CRYBG1: variants seen among roughly 807,000 people sequenced by gnomAD.
CRYBG1 encodes the protein crystallin beta-gamma domain containing 1, also known as beta/gamma crystallin domain-containing protein 1.
In CRYBG1, 139 loss-of-function variants were observed where a neutral mutation model predicts 189.2. The ratio of observed to expected loss-of-function variants is 0.73; its 90% CI spans 0.64 to 0.85. CRYBG1 has a LOEUF of 0.85. CRYBG1 is among the 40% of genes least tolerant of loss of function. The pLI, the probability that CRYBG1 is intolerant of heterozygous loss-of-function variation, is 0.00. For synonymous variants in CRYBG1, 1,023 were observed against 1,017.1 expected, an observed-to-expected ratio of 1.01 and a Z score of -0.11; for missense variants, 2,611 against 2,675.8, an observed-to-expected ratio of 0.98 and a Z score of 0.53.
In CRYBG1 at chr6:106,512,542, C is replaced by T. The variant is rs1258113684; in HGVS notation, c.1425C>T (p.Asp475=). 5.6e-6 allele frequency: 9 copies of T among 1,608,016 alleles called. No individual in the cohort carries two copies. The highest frequency in any genetic ancestry group is 1.1e-5 in the South Asian group (1 of 90,350). The change falls in exon 3 of 22, where the codon GAC becomes GAT. Residue 475 remains aspartate, a synonymous_variant. Transcript: ENST00000633556. ...TGAAATCTCCGCGGGCAGCCCTCGACGGGGGCGTTGCCTCCGCTGCGAGCC... is the reference window on the plus strand; with the variant it reads ...TGAAATCTCCGCGGGCAGCCCTCGATGGGGGCGTTGCCTCCGCTGCGAGCC... The part of the protein sequence containing the change: ...KKVKSPRAAL[D]GGVASAASPE...
intron 20 of CRYBG1, among the ~76,000 whole-genome samples, chr6:106,562,140 C>CAA (rs75428444): frequency 6.6e-6 from 1 of 151,756 alleles, no homozygotes; most frequent in East Asian, 1.9e-4. Flanking sequence ...AACAAAAAAC[C>CAA]AAAAAAAACC....
rs1470407132 is a variant in CRYBG1, at chr6:106,511,462, G to A, written c.345G>A (p.Arg115=). 2 of 1,535,674 alleles carry A rather than the reference G, an allele frequency of 1.3e-6. No individual in the cohort carries two copies. Among genetic ancestry groups the A allele is most frequent in the South Asian group, 1.2e-5 (1 of 84,048 alleles). ...CACAACCTCCAGAAGACAACAGAAG[G>A]AAGCCAGTTTTGGGGAAACTTGGCA... ...SRAQPPEDNR[R]KPVLGKLGTL... Residue 115 remains arginine, a synonymous_variant, in exon 3 of 22, where the codon AGG becomes AGA. Transcript: ENST00000633556.
intron 1 of CRYBG1, among the ~76,000 whole-genome samples, chr6:106,400,191 G>T (rs926199808): frequency 6.7e-6 from 1 of 149,016 alleles, no homozygotes; most frequent in Non-Finnish European, 1.5e-5. Context: ...TGTTGCTCAG[G>T]CTGGTCTCAA....
chr6:106,540,040 C>T (rs1774095679), intron 9 of CRYBG1, among the ~76,000 whole-genome samples: 2 of 151,822 alleles, frequency 1.3e-5, no homozygotes, highest in East Asian at 1.9e-4. Flanking sequence ...CGCTGAGGAC[C>T]GGCTCGGCTG....
In CRYBG1 at chr6:106,539,546, A is replaced by G. The variant is rs368188385; in HGVS notation, c.4845+17A>G. On this transcript the variant is annotated intron_variant, in intron 9 of 21. Transcript: ENST00000633556. ...CTGAAAATGGTAAAAATGAAATCCA[A>G]ATGTCCTTGTGGTGATTCTTTGTCA... 1.6e-4 allele frequency: 257 copies of G among 1,607,362 alleles called. 3 individuals carry two copies. The African/African-American group carries it at 2.9e-3, about 18-fold the overall frequency.
chr6:106,560,060 C>CT (rs796954639), intron 18 of CRYBG1, among the ~76,000 whole-genome samples: 23 of 152,046 alleles, frequency 1.5e-4, no homozygotes, highest in African/African-American at 5.6e-4. Flanking sequence ...TGCCACTGCC[C>CT]TTCAGCCTGG....
chr6:106,436,347 G>A (rs1771456992), intron 1 of CRYBG1, among the ~76,000 whole-genome samples: 1 of 148,790 alleles, frequency 6.7e-6, no homozygotes, highest in South Asian at 2.1e-4. Flanking sequence ...TGCCTAGGCT[G>A]GAGTGCAGCG....
chr6:106,497,636 A>C (rs1772882588), intron 2 of CRYBG1, among the ~76,000 whole-genome samples: 1 of 152,268 alleles, frequency 6.6e-6, no homozygotes, highest in African/African-American at 2.4e-5. Flanking sequence ...GAAGAAGAGA[A>C]AGAGCACAAA....
rs1562113217 is a variant in CRYBG1 at position 106,544,780 on chromosome 6, C to T, written c.5167-8C>T. ...AGCCTTTGAATTTTGAATTTTTTTT[C>T]TCAATAGGATTTTTCAAATGCTCAC... On this transcript the variant is annotated splice_region_variant and splice_polypyrimidine_tract_variant and intron_variant, in intron 12 of 21. Coordinates refer to ENST00000633556, the MANE Select transcript of CRYBG1 (RefSeq NM_001371242.2). 2 of 1,598,560 alleles carry T rather than the reference C, an allele frequency of 1.3e-6. No individual in the cohort carries two copies. The highest frequency in any genetic ancestry group is 2.3e-5 in the South Asian group (2 of 88,304).
chr6:106,502,871 G>T (rs138515003), intron 2 of CRYBG1, among the ~76,000 whole-genome samples: 82 of 152,292 alleles, frequency 5.4e-4, no homozygotes, highest in South Asian at 2.3e-3. Context: ...CTCTTCCAAG[G>T]CCCTCTCCTT....
intron 1 of CRYBG1, among the ~76,000 whole-genome samples, chr6:106,413,572 G>A (rs1770969591): frequency 6.6e-6 from 1 of 152,086 alleles, no homozygotes; most frequent in Non-Finnish European, 1.5e-5. Flanking sequence ...AGCTACCTGG[G>A]AGGCTGAGGC....
chr6:106,530,457 C>T (rs952302947), intron 8 of CRYBG1, 142 bp downstream of exon 8: 16 of 738,744 alleles, frequency 2.2e-5, no homozygotes, highest in East Asian at 1.5e-4. Flanking sequence ...TTATAAGGCA[C>T]GTAAAATTCT....
intron 13 of CRYBG1, among the ~76,000 whole-genome samples, chr6:106,550,393 T>G (rs1458259509): frequency 6.6e-6 from 1 of 152,160 alleles, no homozygotes; most frequent in Non-Finnish European, 1.5e-5. Flanking sequence ...GAAAAGATAC[T>G]TAATGTCTTC....
At chr6:106,417,087 T>A (rs1348819266) in intron 1 of CRYBG1, among the ~76,000 whole-genome samples, 1 of 139,374 alleles carries the variant, frequency 7.2e-6, no homozygotes, top group Non-Finnish European at 1.5e-5. Flanking sequence ...CTCACTGCAC[T>A]CTTGACCTCC....
intron 8 of CRYBG1, among the ~76,000 whole-genome samples, chr6:106,532,246 T>C (rs1773893894): frequency 6.6e-6 from 1 of 152,236 alleles, no homozygotes; most frequent in South Asian, 2.1e-4. Context: ...TACTGTGGAA[T>C]AGAACACCAG....
At position 106,563,897 on chromosome 6, in the gene CRYBG1, T is replaced by G. The variant is rs1283989357; in HGVS notation, c.6272T>G (p.Leu2091Trp). ...TCCGATGGCAGGATTTACAGCAAGT[T>G]GAAGCCAAATTTAGTTTTAGACATT... is the stretch of plus-strand genomic sequence containing the variant. ...LKSDGRIYSKLKPNLVLDIKG... is the reference protein window; with the variant it reads ...LKSDGRIYSKWKPNLVLDIKG... The change falls in exon 21 of 22, where the codon TTG becomes TGG. Residue 2091 changes from leucine (L) to tryptophan (W), a missense_variant. This residue lies in a region of CRYBG1 where 1,622 missense variants were observed against 1,735.0 expected (regional missense o/e 0.93). Transcript: ENST00000633556. 3.1e-6 allele frequency: 5 copies of G among 1,612,648 alleles called. No individual in the cohort carries two copies. The highest frequency in any genetic ancestry group is 3.4e-6 in the Non-Finnish European group (4 of 1,178,772).
intron 1 of CRYBG1, among the ~76,000 whole-genome samples, chr6:106,376,673 C>T (rs1174783176): frequency 6.6e-6 from 1 of 152,120 alleles, no homozygotes; most frequent in Non-Finnish European, 1.5e-5. Flanking sequence ...CATTGGGAGC[C>T]CTGGTCTGCT....
At position 106,558,642 on chromosome 6, in the gene CRYBG1, T is replaced by C. The variant is rs778520380; in HGVS notation, c.5855+17T>C. ...TGGTGGCATGTGAGTTACCTACTTGTTGACTCAATAAAATAGATCATTTTA... is the reference window on the plus strand; with the variant it reads ...TGGTGGCATGTGAGTTACCTACTTGCTGACTCAATAAAATAGATCATTTTA... On this transcript the variant is annotated intron_variant, in intron 18 of 21. Transcript: ENST00000633556. 1.6e-5 allele frequency: 26 copies of C among 1,592,796 alleles called. No individual in the cohort carries two copies. In the Admixed American group the frequency reaches 3.4e-4, roughly 21 times the overall value.
chr6:106,406,360 C>A (rs1373969634), intron 1 of CRYBG1, among the ~76,000 whole-genome samples: 1 of 152,148 alleles, frequency 6.6e-6, no homozygotes, highest in East Asian at 1.9e-4. Flanking sequence ...ACAAAGCCTA[C>A]AAGAAGTATG....
Sources: allele counts gnomAD v4.1 joint callset (sites outside exome capture counted in the v4.1 genomes callset), GRCh38; gene constraint gnomAD v4.1.1; regional missense constraint gnomAD v4.1.1; transcripts MANE v1.5; gene names NCBI Gene and HGNC (gene_info 2026-07-23, HGNC 2026-07-21).